COL5A1: variants seen among roughly 807,000 people sequenced by gnomAD.
The protein encoded by COL5A1 is collagen alpha-1(V) chain.
In COL5A1, 16 loss-of-function variants were observed where a neutral mutation model predicts 263.7. The ratio of observed to expected loss-of-function variants is 0.06; its 90% CI spans 0.04 to 0.09. The LOEUF (loss-of-function observed/expected upper bound fraction) is 0.09, where lower values mean the gene tolerates loss of function less well. Among genes scored for constraint, COL5A1 ranks in the 10% least tolerant of loss-of-function variants. COL5A1 has a pLI of 1.00. For synonymous variants in COL5A1, 1,012 were observed against 1,004.5 expected (o/e 1.01, Z -0.14); for missense variants, 2,036 against 2,540.5 (o/e 0.80, Z 4.27).
chr9:134,652,857 G>GT lies in COL5A1; in HGVS notation c.109+10564dup. On this transcript the variant is annotated intron_variant, in intron 1 of 65. Transcript: ENST00000371817. This position sits in a 1 kb window ranked among gnomAD's most constrained non-coding sequence, Gnocchi z 4.4. ...CGAGGCCTCTCTTAAGGCACAGATT[G>GT]TTTCTGACTCAGGAGGCCTTGGGTG... 2.6e-6 allele frequency: 1 copy of GT among 381,750 alleles called. No homozygotes were observed. The highest frequency in any genetic ancestry group is 5.5e-6 in the Non-Finnish European group (1 of 180,932). 23.6% of individuals were successfully genotyped at this position (381,750 alleles called of 1,614,324 possible).
intron 1 of COL5A1, among the ~76,000 whole-genome samples, chr9:134,684,853 C>T (rs1832959276): frequency 6.6e-6 from 1 of 152,214 alleles, no homozygotes; most frequent in Non-Finnish European, 1.5e-5. Context: ...CATTCACTTG[C>T]TCATCTGTTC....
chr9:134,819,968 C>T, intron 57 of COL5A1, 148 bp from the exon 58 acceptor site: 1 of 736,750 alleles, frequency 1.4e-6, no homozygotes, highest in Non-Finnish European at 2.5e-6. Flanking sequence ...CCTGGCCCCT[C>T]TGTTGAGCCT....
chr9:134,722,494 C>T (rs771768001), intron 4 of COL5A1, among the ~76,000 whole-genome samples: 25 of 152,252 alleles, frequency 1.6e-4, no homozygotes, highest in East Asian at 3.9e-4. Flanking sequence ...GGGGTTGTGC[C>T]GGACACGCCC....
At chr9:134,744,656 C>T (rs111207690) in intron 11 of COL5A1, among the ~76,000 whole-genome samples, 2,684 of 151,964 alleles carry the variant, frequency 0.018, 22 homozygotes, top group Middle Eastern at 0.062. Context: ...CACACAGGTA[C>T]GCTCACACAC....
chr9:134,643,647 C>T (rs925688602), intron 1 of COL5A1, among the ~76,000 whole-genome samples: 2 of 152,148 alleles, frequency 1.3e-5, no homozygotes, highest in African/African-American at 4.8e-5. Flanking sequence ...CCAACTCTCT[C>T]CTGACCCTGG....
chr9:134,815,501 G>A (rs1838708701), intron 50 of COL5A1, 75 bp from the exon 51 acceptor site: 1 of 1,464,002 alleles, frequency 6.8e-7, no homozygotes, highest in Non-Finnish European at 9.5e-7. Context: ...TCTTGAGGTG[G>A]TGACATGATT....
intron 19 of COL5A1, among the ~76,000 whole-genome samples, chr9:134,762,462 G>A (rs1053813543): frequency 1.3e-5 from 2 of 151,622 alleles, no homozygotes; most frequent in South Asian, 4.1e-4. Context: ...CTGTGGCCAT[G>A]GGGCCAGAGC....
intron 1 of COL5A1, among the ~76,000 whole-genome samples, chr9:134,654,414 G>T (rs1371779150): frequency 3.9e-5 from 4 of 102,726 alleles, no homozygotes; most frequent in African/African-American, 7.3e-5. Context: ...GGTGTGTGTA[G>T]GGCTGGAGGT....
intron 25 of COL5A1, 111 bp downstream of exon 25, chr9:134,768,574 C>A: frequency 8.7e-7 from 1 of 1,145,596 alleles, no homozygotes; most frequent in South Asian, 1.3e-5. Context: ...TTGACTCATT[C>A]TGGCTCTGTT....
At chr9:134,762,191 T>G (rs1219453457) in intron 19 of COL5A1, among the ~76,000 whole-genome samples, 3 of 152,142 alleles carry the variant, frequency 2.0e-5, no homozygotes, top group African/African-American at 7.2e-5. Flanking sequence ...ACTGCAACGT[T>G]TAGTTACTCC....
At chr9:134,815,250 G>C (rs1261470813) in intron 50 of COL5A1, among the ~76,000 whole-genome samples, 1 of 152,248 alleles carries the variant, frequency 6.6e-6, no homozygotes, top group African/African-American at 2.4e-5. Flanking sequence ...GCACATTCCG[G>C]AAGTCTGAAG....
At chr9:134,831,790 C>A (rs776938189) in intron 64 of COL5A1, among the ~76,000 whole-genome samples, 4 of 152,216 alleles carry the variant, frequency 2.6e-5, no homozygotes, top group Non-Finnish European at 5.9e-5. Context: ...TCATTTGCAG[C>A]CTTCAGCCCG....
At chr9:134,702,145 C>T (rs1406981299) in intron 4 of COL5A1, among the ~76,000 whole-genome samples, 1 of 152,208 alleles carries the variant, frequency 6.6e-6, no homozygotes, top group East Asian at 1.9e-4. Flanking sequence ...ACTGCAGTGA[C>T]CGTTGCCTCC....
Position 134,653,013 on chromosome 9 carries a change from T to C in COL5A1, c.109+10717T>C, listed in dbSNP as rs146756800. On this transcript the variant is annotated intron_variant, in intron 1 of 65. Transcript: ENST00000371817. ...GAGCCCAGGGTCTTGGATTTCAGCA[T>C]TAATGGTGGTCGTGGGGTGGGGAGG... Among the ~76,000 whole-genome samples, 688 of 152,188 alleles carry C rather than the reference T, an allele frequency of 4.5e-3. 4 individuals are homozygous for C. Among genetic ancestry groups the C allele is most frequent in the Middle Eastern group, 0.031 (9 of 294 alleles).
intron 26 of COL5A1, among the ~76,000 whole-genome samples, chr9:134,774,126 T>C (rs1836966333): frequency 6.6e-6 from 1 of 152,212 alleles, no homozygotes; most frequent in African/African-American, 2.4e-5. Flanking sequence ...ACGAGAGGCA[T>C]TCACTTACTC....
At position 134,754,001 on chromosome 9, in the gene COL5A1, C is replaced by A; in HGVS notation, c.1773+98C>A. 8.8e-7 allele frequency: 1 copy of A among 1,137,654 alleles called. No individual in the cohort carries two copies. The highest frequency in any genetic ancestry group is 1.3e-6 in the Non-Finnish European group (1 of 752,266). 70.5% of individuals were successfully genotyped at this position (1,137,654 alleles called of 1,614,324 possible). A position where few individuals can be genotyped will look rare whatever the true frequency, so the allele number is the denominator to read the frequency against. The stretch of plus-strand genomic sequence containing the variant: ...AGGGACCCCAACTGCTGCATGTTTT[C>A]AAGGAAATTCGTGGGAATTGTCCTT... On this transcript the variant is annotated intron_variant, in intron 15 of 65. Transcript: ENST00000371817. The surrounding 1 kb of genome is among the most constrained non-coding windows in gnomAD (Gnocchi z 4.3).
intron 18 of COL5A1, among the ~76,000 whole-genome samples, chr9:134,761,559 G>A (rs910981009): frequency 6.6e-6 from 1 of 152,212 alleles, no homozygotes; most frequent in African/African-American, 2.4e-5. Flanking sequence ...GCAGGCAGGC[G>A]GGGCTCCCTG....
intron 17 of COL5A1, 40 bp downstream of exon 17, chr9:134,756,858 G>A (rs1051761326): frequency 6.3e-7 from 1 of 1,591,576 alleles, no homozygotes; most frequent in African/African-American, 1.3e-5. Flanking sequence ...TGGCATCACT[G>A]TCATCCCTGG....
intron 9 of COL5A1, among the ~76,000 whole-genome samples, chr9:134,734,414 C>T (rs544097325): frequency 2.8e-4 from 42 of 152,352 alleles, no homozygotes; most frequent in African/African-American, 9.9e-4. Flanking sequence ...TGGCCAGGCC[C>T]CCTGCAGAGA....
Sources: allele counts gnomAD v4.1 joint callset (sites outside exome capture counted in the v4.1 genomes callset), GRCh38; gene constraint gnomAD v4.1.1; non-coding constraint Gnocchi (gnomAD v3.1); transcripts MANE v1.5; gene names NCBI Gene and HGNC (gene_info 2026-07-23, HGNC 2026-07-21).